Variants in ART3 observed in about 807,000 individuals in gnomAD.
ART3 encodes the protein ecto-ADP-ribosyltransferase 3.
A neutral mutation model predicts 48.5 loss-of-function variants in ART3; 49 were observed. The observed-to-expected ratio is 1.01, with a 90% CI of 0.80 to 1.28. The LOEUF (loss-of-function observed/expected upper bound fraction) is 1.28, where lower values mean the gene tolerates loss of function less well. Ranked by LOEUF, ART3 falls within the 50% of genes most tolerant of loss-of-function variation. ART3 has a pLI of 0.00. For synonymous variants in ART3, 145 were observed against 157.2 expected (o/e 0.92, Z 0.58); for missense variants, 438 against 454.3 (o/e 0.96, Z 0.33).
chr4:76,085,378 TTA>T (rs1723338907), intron 3 of ART3, among the ~76,000 whole-genome samples: 1 of 152,182 alleles, frequency 6.6e-6, no homozygotes, highest in Non-Finnish European at 1.5e-5. Flanking sequence ...ACAGATCCAC[TTA>T]TGATTGGATG....
chr4:76,072,575 A>G (rs1415427475), upstream of ART3, among the ~76,000 whole-genome samples: 3 of 151,736 alleles, frequency 2.0e-5, no homozygotes, highest in Non-Finnish European at 2.9e-5. Context: ...GTCTTCTTAC[A>G]TTCACCCTAC....
chr4:76,100,351 G>A lies in ART3; in HGVS notation c.877+31G>A, dbSNP rs200122493. 4.8e-5 allele frequency: 77 copies of A among 1,596,318 alleles called. No individual in the cohort carries two copies. In the African/African-American group the frequency reaches 8.2e-4, roughly 17 times the overall value. ...ACATTTTTATAAATTCTGGGGGCTT[G>A]GCCAGGCGTGGTGGCTTATGCCTGT... On this transcript the variant is annotated intron_variant, in intron 6 of 11. Transcript: ENST00000355810.
At chr4:76,017,440 C>T (rs767369632) in intron 1 of ART3, among the ~76,000 whole-genome samples, 2 of 151,860 alleles carry the variant, frequency 1.3e-5, no homozygotes, top group African/African-American at 2.4e-5. Context: ...TGGCTGAACT[C>T]GTATCCAAGT....
In ART3 at chr4:76,101,494, G is replaced by T. The variant is rs185989644; in HGVS notation, c.937+475G>T. On this transcript the variant is annotated intron_variant, in intron 8 of 11. Coordinates refer to ENST00000355810, the MANE Select transcript of ART3 (RefSeq NM_001130016.3). ...TTTAATATTACTCAAATGGCCGGGC[G>T]GGGTGGCTCACGCCTATAATCCCAG... Among the ~76,000 whole-genome samples, 236 of 152,146 alleles carry T rather than the reference G, an allele frequency of 1.6e-3. 6 individuals are homozygous for T. The highest frequency in any genetic ancestry group is 0.012 in the Admixed American group (181 of 15,270).
intron 1 of ART3, among the ~76,000 whole-genome samples, chr4:76,039,924 C>A (rs1038923395): frequency 5.3e-5 from 8 of 152,184 alleles, no homozygotes; most frequent in Non-Finnish European, 7.3e-5. Flanking sequence ...CAGTACTCTG[C>A]TGGGAGTCTT....
intron 1 of ART3, among the ~76,000 whole-genome samples, chr4:76,047,769 G>A (rs922611466): frequency 4.0e-5 from 6 of 151,892 alleles, no homozygotes; most frequent in South Asian, 4.2e-4. Flanking sequence ...CCAAACTCTC[G>A]GGCTGCAGCT....
intron 7 of ART3, 49 bp from the exon 8 acceptor site, chr4:76,100,941 A>G (rs779428903): frequency 2.7e-5 from 43 of 1,608,812 alleles, no homozygotes; most frequent in Middle Eastern, 1.7e-4. Flanking sequence ...GTAACTGCCA[A>G]TTCTTTTGTT....
At chr4:76,097,275 G>A (rs950160765) in intron 3 of ART3, among the ~76,000 whole-genome samples, 3 of 152,104 alleles carry the variant, frequency 2.0e-5, no homozygotes, top group Non-Finnish European at 2.9e-5. Context: ...CATGATCACA[G>A]CTCACTGCAG....
At chr4:76,060,670 G>A (rs1456906912) in intron 1 of ART3, among the ~76,000 whole-genome samples, 1 of 152,140 alleles carries the variant, frequency 6.6e-6, no homozygotes, top group East Asian at 1.9e-4. Flanking sequence ...GTAATAACAT[G>A]GGCACTTAAA....
intron 1 of ART3, among the ~76,000 whole-genome samples, chr4:76,027,986 T>G (rs1733559054): frequency 6.6e-6 from 1 of 152,252 alleles, no homozygotes; most frequent in South Asian, 2.1e-4. Context: ...TTTCAGTGAC[T>G]AGGATGATTG....
chr4:76,083,589 T>C (rs1722941346), intron 3 of ART3, among the ~76,000 whole-genome samples: 1 of 152,196 alleles, frequency 6.6e-6, no homozygotes, highest in Non-Finnish European at 1.5e-5. Flanking sequence ...TTACCATGTT[T>C]TGTTTGTTGA....
intron 2 of ART3, 118 bp from the exon 3 acceptor site, chr4:76,081,706 G>T: frequency 9.7e-7 from 1 of 1,035,034 alleles, no homozygotes; most frequent in Non-Finnish European, 1.4e-6. Flanking sequence ...CCCAAAATTG[G>T]TTATAAGTCA....
At chr4:76,099,015 A>T (rs1406965431) in intron 5 of ART3, 28 bp downstream of exon 5, 1 of 1,598,526 alleles carries the variant, frequency 6.3e-7, no homozygotes, top group Non-Finnish European at 8.6e-7. Flanking sequence ...TTTAAAAATA[A>T]TCTTGGTTGG....
chr4:76,048,940 C>G (rs1235645757), intron 1 of ART3, among the ~76,000 whole-genome samples: 1 of 151,972 alleles, frequency 6.6e-6, no homozygotes, highest in Non-Finnish European at 1.5e-5. Context: ...GGGCCATACC[C>G]TGAGGGAGGG....
chr4:76,070,962 T>C (rs1720251726), upstream of ART3, among the ~76,000 whole-genome samples: 1 of 151,966 alleles, frequency 6.6e-6, no homozygotes, highest in African/African-American at 2.4e-5. Flanking sequence ...CTCAAGAAGA[T>C]TGACCCAATC....
intron 1 of ART3, among the ~76,000 whole-genome samples, chr4:76,045,816 A>G (rs1252864862): frequency 6.6e-6 from 1 of 152,028 alleles, no homozygotes; most frequent in African/African-American, 2.4e-5. Flanking sequence ...ATCCATAGTC[A>G]GCAAAAGCCA....
At position 76,101,001 on chromosome 4, in the gene ART3, C is replaced by A; in HGVS notation, c.919C>A (p.Gln307Lys). The change falls in exon 8 of 12, where the codon CAG becomes AAG. Residue 307 changes from glutamine (Q) to lysine (K), a missense_variant. This residue lies in a region of ART3 where 227 missense variants were observed against 229.6 expected (regional missense o/e 0.99). Coordinates refer to ENST00000355810, the MANE Select transcript of ART3 (RefSeq NM_001130016.3). The stretch of plus-strand genomic sequence containing the variant: ...TTTTTGTAACTCAGGTGAGAAAAAC[C>A]AGAAGCTTGAAGACCATGGTAAGAC... The part of the protein sequence containing the change: ...WKLEDHGEKN[Q>K]KLEDHGVKIL... The A allele has an allele frequency of 6.2e-7, 1 of 1,612,738 alleles. No homozygotes were observed. Among genetic ancestry groups the A allele is most frequent in the Non-Finnish European group, 8.5e-7 (1 of 1,179,566 alleles).
chr4:76,059,385 T>C lies in ART3; in HGVS notation c.-9-16496T>C, dbSNP rs1252750840. On this transcript the variant is annotated intron_variant, in intron 1 of 9. Transcript: ENST00000341029. ...TTGTTTTTTTTTCTTTTTTTTTTCC[T>C]GAGCTTTATTTGCATCTCCAGTCCT... Among the ~76,000 whole-genome samples, 8 of 151,240 alleles carry C rather than the reference T, an allele frequency of 5.3e-5. No homozygotes were observed. The East Asian group carries it at 1.5e-3, about 29-fold the overall frequency.
At chr4:76,101,494 G>A (rs185989644) in intron 8 of ART3, among the ~76,000 whole-genome samples, 2 of 152,028 alleles carry the variant, frequency 1.3e-5, no homozygotes, top group Non-Finnish European at 2.9e-5. Context: ...ATGGCCGGGC[G>A]GGGTGGCTCA....
Sources: allele counts gnomAD v4.1 joint callset (sites outside exome capture counted in the v4.1 genomes callset), GRCh38; gene constraint gnomAD v4.1.1; regional missense constraint gnomAD v4.1.1; transcripts MANE v1.5; gene names NCBI Gene and HGNC (gene_info 2026-07-23, HGNC 2026-07-21).